The following POR variants were observed in gnomAD, a reference collection of about 807,000 sequenced individuals.
POR encodes the protein cytochrome p450 oxidoreductase.
A neutral mutation model predicts 84.0 loss-of-function variants in POR; 56 were observed. That is an observed-to-expected ratio of 0.67 (90% CI 0.54 to 0.83). The LOEUF (loss-of-function observed/expected upper bound fraction) is 0.83. Ranked by LOEUF, POR falls within the 40% of genes least tolerant of loss-of-function variation. The pLI, the probability that POR is intolerant of heterozygous loss-of-function variation, is 0.00. For synonymous variants in POR, 414 were observed against 400.5 expected (o/e 1.03, Z -0.40); for missense variants, 938 against 944.3 (o/e 0.99, Z 0.09).
chr7:75,923,957 G>A (rs1806995800), intron 1 of POR, among the ~76,000 whole-genome samples: 1 of 152,156 alleles, frequency 6.6e-6, no homozygotes, highest in South Asian at 2.1e-4. Context: ...TCACAGTCCA[G>A]TTCCAAGGAA....
intron 8 of POR, among the ~76,000 whole-genome samples, chr7:75,982,648 C>CA (rs1789126049): frequency 6.6e-6 from 1 of 152,124 alleles, no homozygotes; most frequent in Non-Finnish European, 1.5e-5. Context: ...AATCTATCTC[C>CA]ATAGATAGAC....
chr7:75,963,385 T>A (rs1554554775), intron 2 of POR, among the ~76,000 whole-genome samples: 1 of 152,218 alleles, frequency 6.6e-6, no homozygotes, highest in Non-Finnish European at 1.5e-5. Context: ...GGTTTTCTGC[T>A]GCCATCTGAC....
chr7:75,930,954 C>G (rs151259221), intron 1 of POR, among the ~76,000 whole-genome samples: 1 of 152,124 alleles, frequency 6.6e-6, no homozygotes, highest in Non-Finnish European at 1.5e-5. Flanking sequence ...TCCTGAGTAG[C>G]GGGGACTACA....
At chr7:75,937,122 C>T (rs1186632165) in intron 1 of POR, among the ~76,000 whole-genome samples, 5 of 151,464 alleles carry the variant, frequency 3.3e-5, no homozygotes, top group African/African-American at 7.3e-5. Context: ...CCACCGCATC[C>T]GGCCGCTGTT....
intron 2 of POR, among the ~76,000 whole-genome samples, chr7:75,964,971 C>T (rs1335150289): frequency 6.6e-6 from 1 of 152,140 alleles, no homozygotes; most frequent in Non-Finnish European, 1.5e-5. Flanking sequence ...GAGCTGTGGT[C>T]ACGCCACTGC....
chr7:75,983,909 GCCTGTAGGAAGGC>G (rs1789238078), intron 10 of POR, 53 bp downstream of exon 10: 1 of 1,429,278 alleles, frequency 7.0e-7, no homozygotes, highest in African/African-American at 1.4e-5. Flanking sequence ...GCGGGATTGG[GCCTGTAGGAAGGC>G]CCTGGGTTGA....
chr7:75,948,038 C>T (rs546580159), intron 1 of POR, among the ~76,000 whole-genome samples: 1 of 152,288 alleles, frequency 6.6e-6, no homozygotes, highest in East Asian at 1.9e-4. Flanking sequence ...ATGCCAGACA[C>T]AGAGGTGCCT....
At position 75,983,567 on chromosome 7, in the gene POR, G is replaced by A. The variant is rs782027142; in HGVS notation, c.878G>A (p.Arg293Gln). Residue 293 changes from arginine (R) to glutamine (Q), a missense_variant, in exon 9 of 16, where the codon CGG becomes CAG. By Grantham distance (43) the Arg-to-Gln change is conservative. Coordinates refer to ENST00000461988, the MANE Select transcript of POR (RefSeq NM_000941.3). ...TTCCTGGCTGCAGTCACCACCAACCGGAAGCTGAACCAGGGAACCGAGCGC... is the reference window on the plus strand; with the variant it reads ...TTCCTGGCTGCAGTCACCACCAACCAGAAGCTGAACCAGGGAACCGAGCGC... 27 of 1,613,008 alleles carry A rather than the reference G, an allele frequency of 1.7e-5. No individual in the cohort carries two copies. The highest frequency in any genetic ancestry group is 8.8e-5 in the South Asian group (8 of 91,072).
intron 3 of POR, among the ~76,000 whole-genome samples, chr7:75,975,936 G>A (rs1366149273): frequency 1.3e-5 from 2 of 149,066 alleles, no homozygotes; most frequent in Non-Finnish European, 3.0e-5. Flanking sequence ...ACAGGTGTGA[G>A]CCACTGCACC....
chr7:75,982,023 C>T (rs552910961), intron 7 of POR: 13 of 594,942 alleles, frequency 2.2e-5, no homozygotes, highest in East Asian at 8.5e-5. Context: ...GTCTGGCCCC[C>T]GGCAGCTCCA....
At chr7:75,976,773 G>T (rs897610520) in intron 3 of POR, among the ~76,000 whole-genome samples, 1 of 151,900 alleles carries the variant, frequency 6.6e-6, no homozygotes, top group Non-Finnish European at 1.5e-5. Context: ...AATTTTTAAT[G>T]ATTTAACAAT....
rs190148447 is a variant in POR, at chr7:75,980,278, G to A, written c.367-61G>A. Reference sequence around the variant, plus strand: ...GGACCTGGCCTTCCCCATCTGGTGCGGGTTGAACCTTGAACAGGCTCAGTC... The same window carrying A: ...GGACCTGGCCTTCCCCATCTGGTGCAGGTTGAACCTTGAACAGGCTCAGTC... On this transcript the variant is annotated intron_variant, in intron 4 of 15. Transcript: ENST00000461988. The A allele has an allele frequency of 6.7e-4, 1,046 of 1,570,662 alleles. 7 individuals carry two copies. In the African/African-American group the frequency reaches 0.011, roughly 17 times the overall value.
chr7:75,952,744 C>T (rs1585104341), intron 1 of POR, among the ~76,000 whole-genome samples: 1 of 151,674 alleles, frequency 6.6e-6, no homozygotes, highest in East Asian at 2.0e-4. Flanking sequence ...CAGAGACGCT[C>T]CTCACTTCCT....
chr7:75,967,955 C>G, intron 2 of POR: 1 of 433,268 alleles, frequency 2.3e-6, no homozygotes, highest in Non-Finnish European at 4.7e-6. Flanking sequence ...GCCCAGGCAA[C>G]TTCCTCACCA....
chr7:75,941,583 G>C (rs1348076771), intron 1 of POR, among the ~76,000 whole-genome samples: 1 of 152,120 alleles, frequency 6.6e-6, no homozygotes, highest in Admixed American at 6.6e-5. Context: ...TCTTGTCAGA[G>C]GCCAGGTAAT....
chr7:75,933,376 G>GTTTTTTTTTTTT (rs200575911), intron 1 of POR, among the ~76,000 whole-genome samples: 3 of 92,086 alleles, frequency 3.3e-5, no homozygotes, highest in Admixed American at 1.2e-4. Flanking sequence ...ATAGGTCTTT[G>GTTTTTTTTTTTT]TTTTTTTTTT....
At chr7:75,982,389 T>G in intron 8 of POR, 67 bp downstream of exon 8, 1 of 1,316,382 alleles carries the variant, frequency 7.6e-7, no homozygotes, top group South Asian at 1.3e-5. Flanking sequence ...AGGCTCAGTC[T>G]GCCGTGTATC....
chr7:75,981,295 G>C, intron 6 of POR, 123 bp downstream of exon 6: 1 of 1,393,432 alleles, frequency 7.2e-7, no homozygotes, highest in Non-Finnish European at 9.5e-7. Flanking sequence ...AACACAGAGG[G>C]AAGGGGCTCT....
chr7:75,932,943 G>T (rs1389179686), intron 1 of POR, among the ~76,000 whole-genome samples: 1 of 151,644 alleles, frequency 6.6e-6, no homozygotes, highest in Non-Finnish European at 1.5e-5. Context: ...CCTTGAACTC[G>T]GGAGGTGGAG....
Sources: gnomAD v4.1 joint callset for allele counts (sites outside exome capture counted in the v4.1 genomes callset) on GRCh38, gnomAD v4.1.1 for gene constraint, MANE v1.5 for transcripts, NCBI Gene and HGNC (gene_info 2026-07-23, HGNC 2026-07-21) for gene names.